The following RAPGEFL1 variants were observed in gnomAD, a reference collection of about 807,000 sequenced individuals.
RAPGEFL1 encodes the protein Rap guanine nucleotide exchange factor like 1, also known as rap guanine nucleotide exchange factor-like 1.
RAPGEFL1 carries 31 observed loss-of-function variants against 64.4 expected under a neutral mutation model. The ratio of observed to expected loss-of-function variants is 0.48; its 90% CI spans 0.36 to 0.65. RAPGEFL1 has a LOEUF of 0.65. RAPGEFL1 is among the 30% of genes least tolerant of loss of function. RAPGEFL1 has a pLI of 0.00. For synonymous variants in RAPGEFL1, 331 were observed against 274.1 expected (o/e 1.21, Z -2.05); for missense variants, 682 against 677.4 (o/e 1.01, Z -0.08).
Position 40,191,817 on chromosome 17 carries a change from G to T in RAPGEFL1, c.1605+145G>T. ...CCTCTTCTGGCATACGCAACCCCAG[G>T]GCGCACAGCTTGGCTAATGGACCCT... On this transcript the variant is annotated intron_variant, in intron 10 of 14. Coordinates refer to ENST00000620260, the MANE Select transcript of RAPGEFL1 (RefSeq NM_016339.6). The surrounding 1 kb of genome is among the most constrained non-coding windows in gnomAD (Gnocchi z 5.1). The T allele has an allele frequency of 1.2e-6, 1 of 802,414 alleles. No individual in the cohort carries two copies. Among genetic ancestry groups the T allele is most frequent in the Non-Finnish European group, 2.0e-6 (1 of 495,286 alleles). 49.7% of individuals were successfully genotyped at this position (802,414 alleles called of 1,614,324 possible). A position where few individuals can be genotyped will look rare whatever the true frequency, so the allele number is the denominator to read the frequency against.
chr17:40,193,347 C>A lies in RAPGEFL1; in HGVS notation c.1810-16C>A. On this transcript the variant is annotated splice_polypyrimidine_tract_variant and intron_variant, in intron 13 of 14. Transcript: ENST00000620260. ...TTCTGTGCCCCTTTCAAGGCTCATT[C>A]CTTGTCATCTCCCAGCATTCAGTGG... 6.2e-7 allele frequency: 1 copy of A among 1,614,134 alleles called. No homozygotes were observed. Among genetic ancestry groups the A allele is most frequent in the Admixed American group, 1.7e-5 (1 of 60,024 alleles).
chr17:40,190,982 T>C, intron 8 of RAPGEFL1: 1 of 631,792 alleles, frequency 1.6e-6, no homozygotes, highest in Non-Finnish European at 2.7e-6. Context: ...ACACAGAACC[T>C]GACCCAGGAT....
intron 14 of RAPGEFL1, 85 bp from the exon 15 acceptor site, chr17:40,193,579 C>T: frequency 6.2e-7 from 1 of 1,605,928 alleles, no homozygotes; most frequent in Non-Finnish European, 8.5e-7. Context: ...CTGTCTCAGT[C>T]CACAGCCTGA....
rs764227783 is a variant in RAPGEFL1, at chr17:40,193,393, C to T, written c.1840C>T (p.Arg614Cys). The T allele has an allele frequency of 9.3e-6, 15 of 1,614,168 alleles. No individual in the cohort carries two copies. Among genetic ancestry groups the T allele is most frequent in the Admixed American group, 1.7e-5 (1 of 60,016 alleles). Residue 614 changes from arginine to cysteine, a missense_variant, in exon 14 of 15, where the codon CGC becomes TGC. By Grantham distance (180) the Arg-to-Cys change is radical (BLOSUM62 -3). This residue lies in a region of RAPGEFL1 where 411 missense variants were observed against 519.4 expected (regional missense o/e 0.79). Coordinates refer to ENST00000620260, the MANE Select transcript of RAPGEFL1 (RefSeq NM_016339.6). ...AGTGGCCGAAAAAGTGAGGACAATC[C>T]GCAAATACCGGAGCCGGCCCCTTTG... ...HSVAEKVRTI[R>C]KYRSRPLCLD... is the part of the protein sequence containing the mutation.
chr17:40,191,094 T>C lies in RAPGEFL1; in HGVS notation c.1336-222T>C. ...AGGATGTCAGCCGTGAGCGAATGCC[T>C]GGCACCTAGTAAGTGCTCAGTAGCT... is the stretch of plus-strand genomic sequence containing the variant. On this transcript the variant is annotated intron_variant, in intron 8 of 14. Coordinates refer to ENST00000620260, the MANE Select transcript of RAPGEFL1 (RefSeq NM_016339.6). This position sits in a 1 kb window ranked among gnomAD's most constrained non-coding sequence, Gnocchi z 5.1. 1 of 598,508 alleles carries C rather than the reference T, an allele frequency of 1.7e-6. No homozygotes were observed. The highest frequency in any genetic ancestry group is 2.9e-5 in the East Asian group (1 of 33,964). 37.1% of individuals were successfully genotyped at this position (598,508 alleles called of 1,614,324 possible). A position where few individuals can be genotyped will look rare whatever the true frequency, so the allele number is the denominator to read the frequency against.
In RAPGEFL1 at chr17:40,184,329, G is replaced by T. The variant is rs779394505; in HGVS notation, c.715G>T (p.Gly239Trp). The change falls in exon 3 of 15, where the codon GGG becomes TGG. Residue 239 changes from glycine to tryptophan, a missense_variant. By Grantham distance (184) the Gly-to-Trp change is radical (BLOSUM62 -2). Around this residue, in one of 2 missense-constraint regions of RAPGEFL1, gnomAD observed 271 missense variants for 158.0 expected, o/e 1.72. Transcript: ENST00000620260. Reference sequence around the variant, plus strand: ...CCAGGGGCTGCTTCAAGAGGAAGAGGGGGCCGGCCACATCATCAAGGTGGG... The same window carrying T: ...CCAGGGGCTGCTTCAAGAGGAAGAGTGGGCCGGCCACATCATCAAGGTGGG... ...TYQGLLQEEEGAGHIIKDLYL... is the reference protein window; with the variant it reads ...TYQGLLQEEEWAGHIIKDLYL... 11 of 1,612,076 alleles carry T rather than the reference G, an allele frequency of 6.8e-6. No homozygotes were observed. Among genetic ancestry groups the T allele is most frequent in the Non-Finnish European group, 9.3e-6 (11 of 1,179,424 alleles).
upstream of RAPGEFL1, chr17:40,177,251 G>A (rs926934989): frequency 2.0e-5 from 14 of 702,464 alleles, no homozygotes; most frequent in Admixed American, 1.4e-4. Context: ...GCTGAGACCC[G>A]GTTATCCCTT....
Position 40,190,678 on chromosome 17 carries a change from C to A in RAPGEFL1, c.1251C>A (p.Asp417Glu). ...AGGAGATCCAGGTCTCCCCTGGAGA[C>A]ACAGAGATCCACCGAGTGGAGCCTG... is the stretch of plus-strand genomic sequence containing the variant. ...LPEEIQVSPGDTEIHRVEPED... is the reference protein window; with the variant it reads ...LPEEIQVSPGETEIHRVEPED... Residue 417 changes from aspartate (D) to glutamate (E), a missense_variant, in exon 8 of 15, where the codon GAC (aspartate) becomes GAA (glutamate). This residue lies in a region of RAPGEFL1 where 411 missense variants were observed against 519.4 expected (regional missense o/e 0.79). Coordinates refer to ENST00000620260, the MANE Select transcript of RAPGEFL1 (RefSeq NM_016339.6). The A allele has an allele frequency of 6.2e-7, 1 of 1,614,212 alleles. No individual in the cohort carries two copies. The highest frequency in any genetic ancestry group is 2.2e-5 in the East Asian group (1 of 44,890).
chr17:40,190,784 A>G (rs985794933), intron 8 of RAPGEFL1, 22 bp downstream of exon 8: 2 of 1,613,306 alleles, frequency 1.2e-6, no homozygotes, highest in Non-Finnish European at 1.7e-6. Context: ...GGCTGGTGCT[A>G]TGCTGGGGGG....
At chr17:40,183,518 C>CTTTTTTTTTTTTTTTT (rs760848897) in intron 2 of RAPGEFL1, among the ~76,000 whole-genome samples, 1 of 130,164 alleles carries the variant, frequency 7.7e-6, no homozygotes, top group Non-Finnish European at 1.7e-5. Flanking sequence ...CTTTTCTTTT[C>CTTTTTTTTTTTTTTTT]TTTTTTTTTT....
At position 40,191,741 on chromosome 17, in the gene RAPGEFL1, G is replaced by A. The variant is rs994516538; in HGVS notation, c.1605+69G>A. 1.1e-5 allele frequency: 17 copies of A among 1,478,602 alleles called. No individual in the cohort carries two copies. Among genetic ancestry groups the A allele is most frequent in the African/African-American group, 8.3e-5 (6 of 72,066 alleles). 91.6% of individuals were successfully genotyped at this position (1,478,602 alleles called of 1,614,324 possible). ...CGGGCTCCCCGAAGTGCGTCCTCCC[G>A]GGACGGCCGCCGGCCTGGAGGGAGT... On this transcript the variant is annotated intron_variant, in intron 10 of 14. Coordinates refer to ENST00000620260, the MANE Select transcript of RAPGEFL1 (RefSeq NM_016339.6). This position sits in a 1 kb window ranked among gnomAD's most constrained non-coding sequence, Gnocchi z 5.1.
At chr17:40,193,299 G>C (rs1326182499) in intron 13 of RAPGEFL1, 64 bp from the exon 14 acceptor site, 1 of 1,531,844 alleles carries the variant, frequency 6.5e-7, no homozygotes, top group African/African-American at 1.4e-5. Flanking sequence ...TGGCGGAGGG[G>C]GAGCATAAGA....
At chr17:40,184,514 G>A in intron 3 of RAPGEFL1, 67 bp from the exon 4 acceptor site, 2 of 1,196,342 alleles carry the variant, frequency 1.7e-6, no homozygotes, top group Non-Finnish European at 2.4e-6. Flanking sequence ...ACCTTGCCCG[G>A]CCCCTGCAGA....
rs1403546325 is a variant in RAPGEFL1 at position 40,190,418 on chromosome 17, GCT to G, written c.1115-13_1115-12del. ...AGGCGGCAGGGGCCGAGGATGAGCA[GCT>G]CTTTCTCCTGCAGAGAAGGTCCTTC... On this transcript the variant is annotated splice_polypyrimidine_tract_variant and intron_variant, in intron 6 of 14. Coordinates refer to ENST00000620260, the MANE Select transcript of RAPGEFL1 (RefSeq NM_016339.6). The G allele has an allele frequency of 1.2e-6, 2 of 1,612,680 alleles. No individual in the cohort carries two copies. The highest frequency in any genetic ancestry group is 1.7e-6 in the Non-Finnish European group (2 of 1,178,782).
At chr17:40,192,418 T>C (rs1285487474) in intron 11 of RAPGEFL1, among the ~76,000 whole-genome samples, 155 bp downstream of exon 11, 2 of 152,020 alleles carry the variant, frequency 1.3e-5, no homozygotes, top group African/African-American at 4.8e-5. Flanking sequence ...TTGGAAGGAT[T>C]GCGCCCCTGT....
intron 4 of RAPGEFL1, among the ~76,000 whole-genome samples, chr17:40,188,222 C>T (rs1990145591): frequency 3.9e-5 from 6 of 152,058 alleles, no homozygotes; most frequent in Admixed American, 1.3e-4. Context: ...GCCTCCACCT[C>T]CTTCTCTTCC....
At chr17:40,187,654 A>C (rs1262398088) in intron 4 of RAPGEFL1, among the ~76,000 whole-genome samples, 8 of 151,390 alleles carry the variant, frequency 5.3e-5, no homozygotes, top group Non-Finnish European at 7.4e-5. Flanking sequence ...TCTGTCGCCC[A>C]GGCTGGAGTG....
chr17:40,190,217 TGAAA>T (rs543910850), intron 6 of RAPGEFL1, among the ~76,000 whole-genome samples: 49 of 152,096 alleles, frequency 3.2e-4, no homozygotes, highest in South Asian at 1.2e-3. Flanking sequence ...AGAAAAGCTG[TGAAA>T]GAAAGGGAGT....
At chr17:40,184,736 T>A (rs573995367) in intron 4 of RAPGEFL1, 58 bp downstream of exon 4, 2 of 1,059,038 alleles carry the variant, frequency 1.9e-6, no homozygotes, top group Non-Finnish European at 2.7e-6. Flanking sequence ...GTTCCTCTAC[T>A]ACAGGGGCTG....
Sources: gnomAD v4.1 joint callset for allele counts (sites outside exome capture counted in the v4.1 genomes callset) on GRCh38, gnomAD v4.1.1 for gene constraint, gnomAD v4.1.1 regional missense constraint, Gnocchi (gnomAD v3.1) non-coding constraint, MANE v1.5 for transcripts, NCBI Gene and HGNC (gene_info 2026-07-23, HGNC 2026-07-21) for gene names.